Variants in DNAJC13 observed in about 807,000 individuals in gnomAD.
DNAJC13 encodes dnaJ homolog subfamily C member 13.
A neutral mutation model predicts 290.5 loss-of-function variants in DNAJC13; 75 were observed. That is an observed-to-expected ratio of 0.26 (90% confidence interval 0.21 to 0.31). The LOEUF (loss-of-function observed/expected upper bound fraction) is 0.31, where lower values mean the gene tolerates loss of function less well. Ranked by LOEUF, DNAJC13 falls within the 10% of genes least tolerant of loss-of-function variation. The pLI is 1.00. For missense variants in DNAJC13, 2,260 were observed against 2,674.5 expected, an observed-to-expected ratio of 0.85 and a Z score of 3.42; for synonymous variants, 862 against 892.0, an observed-to-expected ratio of 0.97 and a Z score of 0.60.
intron 27 of DNAJC13, among the ~76,000 whole-genome samples, 195 bp from the exon 28 acceptor site, chr3:132,483,180 G>T (rs1404502127): frequency 6.6e-6 from 1 of 152,006 alleles, no homozygotes; most frequent in Non-Finnish European, 1.5e-5. Flanking sequence ...TGGCCAGGTG[G>T]TGGGTTTTTT....
At chr3:132,465,008 T>C (rs1933927065) in intron 17 of DNAJC13, among the ~76,000 whole-genome samples, 1 of 152,184 alleles carries the variant, frequency 6.6e-6, no homozygotes, top group African/African-American at 2.4e-5. Flanking sequence ...TAAAATGTTA[T>C]CTCTTTTGTC....
In DNAJC13 at chr3:132,514,635, C is replaced by G. The variant is rs267599613; in HGVS notation, c.5450C>G (p.Ser1817Cys). 46 of 1,611,302 alleles carry G rather than the reference C, an allele frequency of 2.9e-5. No homozygotes were observed. The highest frequency in any genetic ancestry group is 3.4e-5 in the Non-Finnish European group (40 of 1,178,786). The change falls in exon 46 of 56, where the codon TCC becomes TGC. Residue 1817 changes from serine to cysteine, a missense_variant. This residue lies in a region of DNAJC13 where 1,494 missense variants were observed against 1,693.7 expected (regional missense o/e 0.88). Coordinates refer to ENST00000260818, the MANE Select transcript of DNAJC13 (RefSeq NM_015268.4). ...AATATTGCTGAATCAATGGTTTTGT[C>G]CAGTTTATTGGCTCTTCTACATTCA... is the stretch of plus-strand genomic sequence containing the variant. ...VNNIAESMVL[S>C]SLLALLHSLP...
chr3:132,495,039 T>G (rs562569509), intron 34 of DNAJC13, 49 bp from the exon 35 acceptor site: 6 of 1,322,340 alleles, frequency 4.5e-6, no homozygotes, highest in African/African-American at 1.5e-5. Context: ...TGTAAATTAT[T>G]TTTTCTTGTG....
At chr3:132,473,108 C>T (rs769248228) in intron 20 of DNAJC13, 37 bp from the exon 21 acceptor site, 1 of 1,419,838 alleles carries the variant, frequency 7.0e-7, no homozygotes. Context: ...ATTTGGTAGC[C>T]CCAGATTGAG....
Position 132,444,127 on chromosome 3 carries a change from C to CTCCT in DNAJC13, c.69-2347_69-2344dup, listed in dbSNP as rs1350801062. On this transcript the variant is annotated intron_variant, in intron 2 of 55. Transcript: ENST00000260818. ...GCATTACCGCCTGAGCTCCATCCACCTCCTGCACATGAGAGGGATCTAGGT... is the reference window on the plus strand; with the variant it reads ...GCATTACCGCCTGAGCTCCATCCACCTCCTTCCTGCACATGAGAGGGATCTAGGT... 2.0e-5 allele frequency among the ~76,000 whole-genome samples: 3 copies of CTCCT among 152,226 alleles called. No individual in the cohort carries two copies. The East Asian group carries it at 5.8e-4, about 29-fold the overall frequency.
intron 20 of DNAJC13, among the ~76,000 whole-genome samples, chr3:132,470,677 A>G (rs1218239519): frequency 2.2e-5 from 2 of 89,910 alleles, no homozygotes; most frequent in Admixed American, 1.1e-4. Context: ...CGACACCCCC[A>G]CCTCCCTCCC....
intron 2 of DNAJC13, among the ~76,000 whole-genome samples, chr3:132,445,865 T>A (rs1933229612): frequency 6.6e-6 from 1 of 152,124 alleles, no homozygotes; most frequent in African/African-American, 2.4e-5. Context: ...TTTTGAAGGA[T>A]TACTGATACC....
chr3:132,457,131 G>C, intron 12 of DNAJC13, 138 bp from the exon 13 acceptor site: 1 of 723,154 alleles, frequency 1.4e-6, no homozygotes. Context: ...TATGAAGACT[G>C]ATAAATTTCA....
rs545507994 is a variant in DNAJC13, at chr3:132,518,887, A to T, written c.5673+2071A>T. 2.0e-5 allele frequency among the ~76,000 whole-genome samples: 3 copies of T among 152,178 alleles called. No individual in the cohort carries two copies. The East Asian group carries it at 5.8e-4, about 29-fold the overall frequency. On this transcript the variant is annotated intron_variant, in intron 48 of 55. Transcript: ENST00000260818. ...CCTAGCACCTGACAACCACTGATCT[A>T]TTTCCTTCTGGATAGATTTGCCGAA... is the stretch of plus-strand genomic sequence containing the variant.
At position 132,523,826 on chromosome 3, in the gene DNAJC13, C is replaced by G. The variant is rs990420336; in HGVS notation, c.6060+113C>G. On this transcript the variant is annotated intron_variant, in intron 51 of 55. Coordinates refer to ENST00000260818, the MANE Select transcript of DNAJC13 (RefSeq NM_015268.4). ...TGAATTAGGAATTGGCCAGCTCTTT[C>G]AATATAGCAGCCACATTTAAATTCA... 2.9e-6 allele frequency: 3 copies of G among 1,040,128 alleles called. No homozygotes were observed. The East Asian group carries it at 7.8e-5, about 27-fold the overall frequency. 64.4% of individuals were successfully genotyped at this position (1,040,128 alleles called of 1,614,324 possible). A position where few individuals can be genotyped will look rare whatever the true frequency, so the allele number is the denominator to read the frequency against.
chr3:132,514,472 C>T, intron 45 of DNAJC13, 99 bp from the exon 46 acceptor site: 4 of 707,426 alleles, frequency 5.7e-6, no homozygotes, highest in East Asian at 5.9e-5. Context: ...TGTTTCATCC[C>T]CCAAACATTT....
intron 3 of DNAJC13, 125 bp from the exon 4 acceptor site, chr3:132,447,196 T>C: frequency 1.2e-6 from 1 of 839,432 alleles, no homozygotes; most frequent in South Asian, 4.0e-5. Flanking sequence ...TAAGACACAA[T>C]TTCTAGACTC....
chr3:132,502,192 G>A, intron 39 of DNAJC13, 97 bp from the exon 40 acceptor site: 2 of 1,055,974 alleles, frequency 1.9e-6, no homozygotes, highest in Non-Finnish European at 2.7e-6. Flanking sequence ...AAATAACGTG[G>A]TTGGCTTGAC....
chr3:132,500,951 CA>C, intron 39 of DNAJC13, 38 bp downstream of exon 39: 1 of 1,604,996 alleles, frequency 6.2e-7, no homozygotes, highest in Non-Finnish European at 8.5e-7. Flanking sequence ...ATACAGACAG[CA>C]AAGTGTCTTT....
intron 13 of DNAJC13, among the ~76,000 whole-genome samples, chr3:132,459,760 G>C (rs1203968432): frequency 1.3e-5 from 2 of 152,100 alleles, no homozygotes; most frequent in Non-Finnish European, 2.9e-5. Context: ...ATGAAACTTA[G>C]AGACTTATGT....
chr3:132,467,236 G>T lies in DNAJC13; in HGVS notation c.2131G>T (p.Val711Phe). The change falls in exon 20 of 56, where the codon GTT becomes TTT. Residue 711 changes from valine (V) to phenylalanine (F), a missense_variant. Val to Phe is a conservative substitution (Grantham distance 50). This residue lies in a region of DNAJC13 where 762 missense variants were observed against 964.1 expected (regional missense o/e 0.79). Coordinates refer to ENST00000260818, the MANE Select transcript of DNAJC13 (RefSeq NM_015268.4). Reference protein sequence around the residue: ...QRLAGKAAKEVEKFAKEKVDL... With the variant: ...QRLAGKAAKEFEKFAKEKVDL... ...ACTAGCTGGAAAAGCTGCTAAAGAA[G>T]TTGAAAAATTTGCCAAAGAAAAAGT... is the stretch of plus-strand genomic sequence containing the variant. 6.2e-7 allele frequency: 1 copy of T among 1,613,886 alleles called. No individual in the cohort carries two copies.
intron 20 of DNAJC13, among the ~76,000 whole-genome samples, chr3:132,471,734 C>A (rs1310939625): frequency 7.8e-6 from 1 of 128,790 alleles, no homozygotes. Context: ...GGATGGCGGC[C>A]GGGCGGAGAC....
intron 55 of DNAJC13, chr3:132,537,220 C>T (rs542707103): frequency 9.6e-5 from 44 of 456,164 alleles, no homozygotes; most frequent in African/African-American, 2.8e-4. Flanking sequence ...GCTTTAGATC[C>T]GCTCTGCCAG....
chr3:132,490,235 G>A (rs1005360451), intron 31 of DNAJC13, among the ~76,000 whole-genome samples: 7 of 152,102 alleles, frequency 4.6e-5, no homozygotes, highest in African/African-American at 1.7e-4. Context: ...GAAGTAAAAT[G>A]TCTTTAAATT....
Sources: gnomAD v4.1 joint callset for allele counts (sites outside exome capture counted in the v4.1 genomes callset) on GRCh38, gnomAD v4.1.1 for gene constraint, gnomAD v4.1.1 regional missense constraint, MANE v1.5 for transcripts, NCBI Gene and HGNC (gene_info 2026-07-23, HGNC 2026-07-21) for gene names.